Variants in CUX1 observed in about 807,000 individuals in gnomAD.
The protein encoded by CUX1 is protein CASP.
Under a neutral mutation model 158.8 loss-of-function variants are expected in CUX1, and 31 were observed. The ratio of observed to expected loss-of-function variants is 0.20; its 90% CI spans 0.15 to 0.26. The LOEUF (loss-of-function observed/expected upper bound fraction) is 0.26. Among genes scored for constraint, CUX1 ranks in the 10% least tolerant of loss-of-function variants. The pLI, the probability that CUX1 is intolerant of heterozygous loss-of-function variation, is 1.00. For synonymous variants in CUX1, 879 were observed against 862.1 expected (o/e 1.02, Z -0.34); for missense variants, 1,589 against 2,014.6 (o/e 0.79, Z 4.04).
At chr7:102,281,684 G>A (rs1792077708) in intron 20 of CUX1, among the ~76,000 whole-genome samples, 1 of 151,902 alleles carries the variant, frequency 6.6e-6, no homozygotes, top group African/African-American at 2.4e-5. Flanking sequence ...AATTCCAGCA[G>A]CCCATGTCCC....
At chr7:102,123,436 C>G (rs1657163490) in intron 8 of CUX1, among the ~76,000 whole-genome samples, 1 of 151,648 alleles carries the variant, frequency 6.6e-6, no homozygotes, top group African/African-American at 2.4e-5. Flanking sequence ...AGTGAAACCC[C>G]ATCTCTACTA....
At chr7:102,109,856 T>A (rs1040204950) in intron 6 of CUX1, among the ~76,000 whole-genome samples, 25 of 152,120 alleles carry the variant, frequency 1.6e-4, no homozygotes, top group African/African-American at 5.1e-4. Flanking sequence ...TAGCATTTCA[T>A]CTCCAACAGA....
intron 2 of CUX1, among the ~76,000 whole-genome samples, chr7:102,010,005 G>T (rs1817810002): frequency 1.3e-5 from 2 of 152,108 alleles, no homozygotes; most frequent in South Asian, 2.1e-4. Context: ...TGAAAGAAAG[G>T]TTGCTCTGAC....
At chr7:101,993,954 T>C (rs1050900727) in intron 2 of CUX1, among the ~76,000 whole-genome samples, 1 of 152,290 alleles carries the variant, frequency 6.6e-6, no homozygotes, top group Admixed American at 6.5e-5. Context: ...TCCAGCTCTG[T>C]ATCCATCTGC....
In CUX1 at chr7:101,890,391, G is replaced by A. The variant is rs901256389; in HGVS notation, c.31-25724G>A. On this transcript the variant is annotated intron_variant, in intron 1 of 23. Transcript: ENST00000292535. ...CAAAATGGGGACATGAGAGACTCGG[G>A]GTTCAGAGCTCACATGAAGGACAGC... 3.9e-5 allele frequency among the ~76,000 whole-genome samples: 6 copies of A among 152,016 alleles called. No homozygotes were observed. The East Asian group carries it at 5.8e-4, about 15-fold the overall frequency.
At chr7:101,988,107 G>A (rs1007271879) in intron 2 of CUX1, among the ~76,000 whole-genome samples, 5 of 152,138 alleles carry the variant, frequency 3.3e-5, no homozygotes, top group African/African-American at 1.2e-4. Context: ...AGCTACTTGG[G>A]AGACTGAGGC....
chr7:102,166,045 C>T (rs1344764331), intron 9 of CUX1, among the ~76,000 whole-genome samples: 10 of 152,148 alleles, frequency 6.6e-5, no homozygotes, highest in African/African-American at 2.4e-4. Context: ...AAGGGTCTTC[C>T]ATTTTGAGAT....
In CUX1 at chr7:102,249,971, ATAGCTTTAAC is replaced by A; in HGVS notation, c.*931_*940del. 1.0e-6 allele frequency: 1 copy of A among 985,576 alleles called. No homozygotes were observed. Among genetic ancestry groups the A allele is most frequent in the Non-Finnish European group, 1.2e-6 (1 of 829,892 alleles). The allele number at this position is 985,576 out of a possible 1,614,324, so 61.1% of individuals were successfully genotyped here. ...CCTGACATGTAGTGCACATTGATGT[ATAGCTTTAAC>A]TGACCCTGGGTTTTGCAGACCAGGG... On this transcript the variant is annotated 3_prime_UTR_variant, in exon 24 of 24. Coordinates refer to ENST00000292535, the MANE Select transcript of CUX1 (RefSeq NM_181552.4).
intron 1 of CUX1, among the ~76,000 whole-genome samples, chr7:101,868,492 G>GAA (rs1251471333): frequency 6.6e-6 from 1 of 152,152 alleles, no homozygotes; most frequent in Non-Finnish European, 1.5e-5. Context: ...GTGTGTTGGG[G>GAA]ACCCTTTGCT....
intron 12 of CUX1, 22 bp from the exon 13 acceptor site, chr7:102,193,819 AC>A: frequency 6.2e-7 from 1 of 1,611,826 alleles, no homozygotes; most frequent in Non-Finnish European, 8.5e-7. Context: ...AAATAAAATA[AC>A]CCCTCTGTTG....
At chr7:101,997,742 G>A (rs546053404) in intron 2 of CUX1, among the ~76,000 whole-genome samples, 17 of 152,158 alleles carry the variant, frequency 1.1e-4, no homozygotes, top group South Asian at 2.1e-4. Context: ...ATGGCAGAGC[G>A]CAGCTGTGTG....
At position 102,115,222 on chromosome 7, in the gene CUX1, G is replaced by C. The variant is rs187519642; in HGVS notation, c.623G>C (p.Arg208Pro). 6 of 1,608,028 alleles carry C rather than the reference G, an allele frequency of 3.7e-6. No homozygotes were observed. Among genetic ancestry groups the C allele is most frequent in the Non-Finnish European group, 5.1e-6 (6 of 1,178,664 alleles). The change falls in exon 8 of 24, where the codon CGA becomes CCA. Residue 208 changes from arginine to proline, a missense_variant. Transcript: ENST00000292535. The stretch of plus-strand genomic sequence containing the variant: ...TGCCTTTCAGCCCTGGAAAAAACTC[G>C]AACAGAATTATTTGACCTGAAAACC... Reference protein sequence around the residue: ...QSLQTALEKTRTELFDLKTKY... With the variant: ...QSLQTALEKTPTELFDLKTKY...
chr7:101,855,070 G>GA (rs1796632985), intron 1 of CUX1, among the ~76,000 whole-genome samples: 4 of 152,338 alleles, frequency 2.6e-5, no homozygotes, highest in Admixed American at 2.6e-4. Context: ...CCACAATGGT[G>GA]ACCTCCCTCT....
rs548222437 is a variant in CUX1 at position 102,130,874 on chromosome 7, A to G, written c.674+15601A>G. Reference sequence around the variant, plus strand: ...AAAAAAAAAATCTCTGCAGGCTGGGAGTGGTGGCTCACGCCTGTAATCCCA... The same window carrying G: ...AAAAAAAAAATCTCTGCAGGCTGGGGGTGGTGGCTCACGCCTGTAATCCCA... On this transcript the variant is annotated intron_variant, in intron 8 of 23. Coordinates refer to ENST00000292535, the MANE Select transcript of CUX1 (RefSeq NM_181552.4). 3.3e-5 allele frequency among the ~76,000 whole-genome samples: 5 copies of G among 151,352 alleles called. No individual in the cohort carries two copies. The East Asian group carries it at 5.9e-4, about 18-fold the overall frequency.
intron 1 of CUX1, among the ~76,000 whole-genome samples, chr7:101,886,901 TAGA>T (rs1800283000): frequency 6.6e-6 from 1 of 151,960 alleles, no homozygotes; most frequent in Admixed American, 6.6e-5. Flanking sequence ...TGCTGAAGGG[TAGA>T]TGCTGCTTCA....
At chr7:102,178,758 AGT>A (rs1792686526) in intron 11 of CUX1, 101 bp downstream of exon 11, 1 of 1,300,902 alleles carries the variant, frequency 7.7e-7, no homozygotes, top group Non-Finnish European at 1.1e-6. Context: ...CTTGATAGCA[AGT>A]GTGGCAACCT....
chr7:102,069,813 C>G (rs1349075207), intron 3 of CUX1, among the ~76,000 whole-genome samples: 1 of 152,238 alleles, frequency 6.6e-6, no homozygotes, highest in Non-Finnish European at 1.5e-5. Flanking sequence ...CGTTTACATG[C>G]AGCATCTTAC....
intron 17 of CUX1, among the ~76,000 whole-genome samples, chr7:102,276,079 T>G (rs1791588178): frequency 6.6e-6 from 1 of 152,212 alleles, no homozygotes; most frequent in Non-Finnish European, 1.5e-5. Flanking sequence ...GACCACATTT[T>G]GTTTATCCAT....
chr7:101,963,580 C>T (rs1415316145), intron 2 of CUX1, among the ~76,000 whole-genome samples: 3 of 152,134 alleles, frequency 2.0e-5, no homozygotes, highest in Admixed American at 6.5e-5. Flanking sequence ...TCCAGTCACT[C>T]AACAGCCCAT....
Sources: gnomAD v4.1 joint callset for allele counts (sites outside exome capture counted in the v4.1 genomes callset) on GRCh38, gnomAD v4.1.1 for gene constraint, MANE v1.5 for transcripts, NCBI Gene and HGNC (gene_info 2026-07-23, HGNC 2026-07-21) for gene names.